The following RNF125 variants were observed in gnomAD, a reference collection of about 807,000 sequenced individuals.
RNF125 encodes ring finger protein 125.
Under a neutral mutation model 26.0 loss-of-function variants are expected in RNF125, and 21 were observed. The observed-to-expected ratio is 0.81, with a 90% CI of 0.57 to 1.16. The LOEUF (loss-of-function observed/expected upper bound fraction) is 1.16, where lower values mean the gene tolerates loss of function less well. Ranked by LOEUF, RNF125 falls within the 50% of genes most tolerant of loss-of-function variation. The probability of loss-of-function intolerance (pLI) is 0.00; values close to 1 mark genes in which losing one functional copy is unlikely to be tolerated. For missense variants in RNF125, 270 were observed against 299.4 expected (o/e 0.90, Z 0.72); for synonymous variants, 95 against 109.2 (o/e 0.87, Z 0.81).
At chr18:32,038,444 C>G (rs1423853741) in intron 2 of RNF125, among the ~76,000 whole-genome samples, 5 of 152,198 alleles carry the variant, frequency 3.3e-5, no homozygotes, top group African/African-American at 1.2e-4. Context: ...TTGACCACCT[C>G]CATTTTCCCT....
intron 4 of RNF125, among the ~76,000 whole-genome samples, chr18:32,062,236 A>G (rs749404048): frequency 4.6e-5 from 7 of 152,206 alleles, no homozygotes; most frequent in Non-Finnish European, 7.3e-5. Flanking sequence ...ACTGATCTCT[A>G]TATTCTAAGT....
downstream of RNF125, among the ~76,000 whole-genome samples, chr18:32,077,792 A>T (rs993129321): frequency 3.5e-5 from 5 of 142,530 alleles, no homozygotes; most frequent in African/African-American, 1.3e-4. Context: ...ACCTCTAATA[A>T]TTTTTTTTTT....
At chr18:32,047,727 GT>G (rs1021861387) in intron 4 of RNF125, among the ~76,000 whole-genome samples, 10 of 151,962 alleles carry the variant, frequency 6.6e-5, no homozygotes, top group Non-Finnish European at 1.3e-4. Context: ...TAATTTTAGG[GT>G]TTTTTCCATA....
At chr18:32,059,216 G>A (rs983311123) in intron 4 of RNF125, among the ~76,000 whole-genome samples, 1 of 152,122 alleles carries the variant, frequency 6.6e-6, no homozygotes, top group Non-Finnish European at 1.5e-5. Flanking sequence ...CGTAGTAGTT[G>A]TACTAATTTA....
rs73954967 is a variant in RNF125, at chr18:32,030,668, G to A, written c.165-6448G>A. On this transcript the variant is annotated intron_variant, in intron 1 of 5. Transcript: ENST00000217740. ...AAGTAAACCAGAAACACTAGTTCAC[G>A]CCATGATGGGAATGGGTATTTATCA... Among the ~76,000 whole-genome samples the A allele has an allele frequency of 4.2e-3, 633 of 152,256 alleles. 1 individual carries two copies. Among genetic ancestry groups the A allele is most frequent in the African/African-American group, 0.014 (582 of 41,558 alleles).
intron 4 of RNF125, among the ~76,000 whole-genome samples, chr18:32,057,048 G>GA (rs148540755): frequency 0.017 from 2,589 of 152,300 alleles, 71 homozygotes; most frequent in African/African-American, 0.059. Context: ...GTGAGTGCTT[G>GA]AAGTTTTCCA....
intron 1 of RNF125, among the ~76,000 whole-genome samples, chr18:32,030,602 A>G (rs1248084966): frequency 6.6e-6 from 1 of 152,238 alleles, no homozygotes; most frequent in African/African-American, 2.4e-5. Flanking sequence ...AAGGCCCCCA[A>G]CCAACTGAAT....
At chr18:32,083,639 C>CG in the RNF125 span, among the ~76,000 whole-genome samples, 2 of 152,130 alleles carry the variant, frequency 1.3e-5, no homozygotes. Flanking sequence ...AGGTCAGGTG[C>CG]GGTGGCTCAT....
chr18:32,035,852 G>A (rs1467757872), intron 1 of RNF125, among the ~76,000 whole-genome samples: 1 of 152,078 alleles, frequency 6.6e-6, no homozygotes, highest in African/African-American at 2.4e-5. Context: ...ACTTTGGAGG[G>A]GATAGAATTG....
intron 1 of RNF125, among the ~76,000 whole-genome samples, chr18:32,030,005 C>T (rs1437735725): frequency 2.0e-5 from 3 of 152,140 alleles, no homozygotes; most frequent in Non-Finnish European, 4.4e-5. Flanking sequence ...TACAACTGCT[C>T]TAAGTCATAG....
At chr18:32,078,834 C>T in the RNF125 span, among the ~76,000 whole-genome samples, 1 of 152,088 alleles carries the variant, frequency 6.6e-6, no homozygotes, top group Admixed American at 6.6e-5. Flanking sequence ...CCTTCCATCC[C>T]CAACACATCA....
At chr18:32,039,725 C>T (rs1324305064) in intron 2 of RNF125, among the ~76,000 whole-genome samples, 5 of 151,852 alleles carry the variant, frequency 3.3e-5, no homozygotes, top group African/African-American at 1.2e-4. Context: ...ACCACTCCCC[C>T]TCCCCCATTA....
chr18:32,037,094 AT>A lies in RNF125; in HGVS notation c.165-17del. The A allele has an allele frequency of 6.4e-7, 1 of 1,571,122 alleles. No individual in the cohort carries two copies. Among genetic ancestry groups the A allele is most frequent in the South Asian group, 1.2e-5 (1 of 83,972 alleles). ...TTATAGCTTTCAAGGAAAGTGATGTATTTTTGGTCTGTTTGGGGTAGATTCT... is the reference window on the plus strand; with the variant it reads ...TTATAGCTTTCAAGGAAAGTGATGTATTTTGGTCTGTTTGGGGTAGATTCT... On this transcript the variant is annotated intron_variant, in intron 1 of 5. Transcript: ENST00000217740.
At chr18:32,085,061 G>A in the RNF125 span, among the ~76,000 whole-genome samples, 1 of 152,054 alleles carries the variant, frequency 6.6e-6, no homozygotes, top group African/African-American at 2.4e-5. Context: ...CTTGTCTTTG[G>A]GAAGGAAGAA....
At position 32,069,704 on chromosome 18, in the gene RNF125, A is replaced by G. The variant is rs899362212; in HGVS notation, c.*1320A>G. On this transcript the variant is annotated 3_prime_UTR_variant, in exon 6 of 6. Transcript: ENST00000217740. ...CTGCCACACCTAAATGCATATATCT[A>G]TATTTTAATATTATCAATTTAAAGT... The G allele has an allele frequency of 6.6e-6, 1 of 152,182 alleles. No homozygotes were observed. The highest frequency in any genetic ancestry group is 1.5e-5 in the Non-Finnish European group (1 of 68,032). 9.4% of individuals were successfully genotyped at this position (152,182 alleles called of 1,614,324 possible). A position where few individuals can be genotyped will look rare whatever the true frequency, so the allele number is the denominator to read the frequency against.
intron 1 of RNF125, among the ~76,000 whole-genome samples, chr18:32,027,412 G>A (rs1205076783): frequency 1.3e-5 from 2 of 152,100 alleles, no homozygotes; most frequent in African/African-American, 4.8e-5. Context: ...TATTTAAGAT[G>A]TGAGCTCTAA....
the RNF125 span, among the ~76,000 whole-genome samples, chr18:32,085,800 A>G: frequency 1.3e-5 from 2 of 151,750 alleles, no homozygotes. Context: ...GGCTGAATAT[A>G]GCCAGAAGTC....
chr18:32,080,717 G>C, the RNF125 span, among the ~76,000 whole-genome samples: 2 of 151,998 alleles, frequency 1.3e-5, no homozygotes, highest in Non-Finnish European at 2.9e-5. Context: ...ATGAAACCTC[G>C]TCTCTACTAA....
At chr18:32,082,199 T>G in the RNF125 span, among the ~76,000 whole-genome samples, 2 of 152,004 alleles carry the variant, frequency 1.3e-5, no homozygotes, top group African/African-American at 4.8e-5. Context: ...TACATTACAC[T>G]GGCTTCCCTC....
Sources: allele counts gnomAD v4.1 joint callset (sites outside exome capture counted in the v4.1 genomes callset), GRCh38; gene constraint gnomAD v4.1.1; transcripts MANE v1.5; gene names NCBI Gene and HGNC (gene_info 2026-07-23, HGNC 2026-07-21).